The following KIF26A variants were observed in gnomAD, a reference collection of about 807,000 sequenced individuals.
KIF26A encodes the protein kinesin-like protein KIF26A.
A neutral mutation model predicts 126.0 loss-of-function variants in KIF26A; 74 were observed. The observed-to-expected ratio is 0.59, with a 90% CI of 0.49 to 0.71. The LOEUF (loss-of-function observed/expected upper bound fraction) is 0.71. Among genes scored for constraint, KIF26A ranks in the 30% least tolerant of loss-of-function variants. The pLI is 0.00. For synonymous variants in KIF26A, 1,445 were observed against 1,232.7 expected (o/e 1.17, Z -3.61); for missense variants, 2,984 against 2,763.3 (o/e 1.08, Z -1.79).
In KIF26A at chr14:104,173,699, G is replaced by T. The variant is rs1335375244; in HGVS notation, c.1868-7G>T. On this transcript the variant is annotated splice_polypyrimidine_tract_variant and splice_region_variant and intron_variant, in intron 9 of 14. Transcript: ENST00000423312. ...TACACCATCATTTGCTTGCCTTGTG[G>T]TTCCAGTGTCCGGAGGCCGCAGCCG... The T allele has an allele frequency of 6.2e-7, 1 of 1,610,472 alleles. No individual in the cohort carries two copies. Among genetic ancestry groups the T allele is most frequent in the Non-Finnish European group, 8.5e-7 (1 of 1,179,362 alleles).
At position 104,176,058 on chromosome 14, in the gene KIF26A, C is replaced by G; in HGVS notation, c.3270C>G (p.Ala1090=). 6.3e-7 allele frequency: 1 copy of G among 1,596,578 alleles called. No individual in the cohort carries two copies. The highest frequency in any genetic ancestry group is 8.5e-7 in the Non-Finnish European group (1 of 1,174,892). The change falls in exon 12 of 15, where the codon GCC becomes GCG. Residue 1090 remains alanine (A), a synonymous_variant. Coordinates refer to ENST00000423312, the MANE Select transcript of KIF26A (RefSeq NM_015656.2). ...NDEFDAYTSQ[A]PEGGPLEGAA... ...AGTTTGACGCCTACACCTCTCAGGC[C>G]CCTGAGGGGGGGCCCCTGGAGGGGG...
Position 104,179,221 on chromosome 14 carries a change from C to T in KIF26A, c.5317-15C>T, listed in dbSNP as rs530035844. The T allele has an allele frequency of 3.7e-5, 53 of 1,451,568 alleles. No individual in the cohort carries two copies. In the East Asian group the frequency reaches 6.0e-4, roughly 17 times the overall value. The allele number at this position is 1,451,568 out of a possible 1,614,324, so 89.9% of individuals were successfully genotyped here. ...AGGGTCCCATGCCTGAGCCCCCGCC[C>T]GCCCTGCCTCCCAGGGTCTGGCGTG... On this transcript the variant is annotated splice_polypyrimidine_tract_variant and intron_variant, in intron 13 of 14. Transcript: ENST00000423312.
intron 4 of KIF26A, among the ~76,000 whole-genome samples, chr14:104,162,977 G>A (rs1350861052): frequency 6.6e-6 from 1 of 152,254 alleles, no homozygotes; most frequent in Non-Finnish European, 1.5e-5. Flanking sequence ...CCAGGCAGCA[G>A]GGTGGGGTAG....
chr14:104,176,348 G>C lies in KIF26A; in HGVS notation c.3560G>C (p.Arg1187Pro). Residue 1187 changes from arginine to proline, a missense_variant, in exon 12 of 15, where the codon CGA (arginine) becomes CCA (proline). Transcript: ENST00000423312. Reference sequence around the variant, plus strand: ...GAAGTGGCTGCAGTGGCCCCATCCCGACCCGGCAGGGAGCCCCAGGCCGGG... The same window carrying C: ...GAAGTGGCTGCAGTGGCCCCATCCCCACCCGGCAGGGAGCCCCAGGCCGGG... ...PGEVAAVAPS[R>P]PGREPQAGPS... is the part of the protein sequence containing the mutation. 6.3e-7 allele frequency: 1 copy of C among 1,581,774 alleles called. No individual in the cohort carries two copies.
chr14:104,173,524 C>T lies in KIF26A; in HGVS notation c.1867+11C>T, dbSNP rs1382931672. 2 of 1,543,070 alleles carry T rather than the reference C, an allele frequency of 1.3e-6. No individual in the cohort carries two copies. The highest frequency in any genetic ancestry group is 8.8e-7 in the Non-Finnish European group (1 of 1,141,328). ...GCGGCCGGGGAGGAAGTAGGTGCCA[C>T]ACCCGCACTCCCGGGCCCCTGTGGG... On this transcript the variant is annotated intron_variant, in intron 9 of 14. Coordinates refer to ENST00000423312, the MANE Select transcript of KIF26A (RefSeq NM_015656.2).
In KIF26A at chr14:104,176,201, T is replaced by G. The variant is rs768012572; in HGVS notation, c.3413T>G (p.Leu1138Arg). Reference sequence around the variant, plus strand: ...CAGCCCCGCTTCAGCCCCGACTCGCTGGCAGGGCTTGACCCTGGGGGCCCC... The same window carrying G: ...CAGCCCCGCTTCAGCCCCGACTCGCGGGCAGGGCTTGACCCTGGGGGCCCC... ...TPQPRFSPDSLAGLDPGGPPA... is the reference protein window; with the variant it reads ...TPQPRFSPDSRAGLDPGGPPA... The change falls in exon 12 of 15, where the codon CTG becomes CGG. Residue 1138 changes from leucine to arginine, a missense_variant. Leu to Arg is a moderately radical substitution (Grantham distance 102). Transcript: ENST00000423312. The G allele has an allele frequency of 1.2e-6, 2 of 1,601,086 alleles. No homozygotes were observed. Among genetic ancestry groups the G allele is most frequent in the Admixed American group, 1.7e-5 (1 of 58,600 alleles).
At position 104,174,181 on chromosome 14, in the gene KIF26A, C is replaced by G. The variant is rs1049540942; in HGVS notation, c.2064C>G (p.Ser688=). 1 of 1,589,950 alleles carries G rather than the reference C, an allele frequency of 6.3e-7. No homozygotes were observed. Among genetic ancestry groups the G allele is most frequent in the Admixed American group, 1.7e-5 (1 of 57,646 alleles). ...GGCTCACCATGCTGCTGCGTGAATC[C>G]CTGGCCACCGCTGGCTGCCGCACCA... ...DHRLTMLLRE[S]LATAGCRTTM... is the part of the protein sequence containing the mutation. The change falls in exon 11 of 15, where the codon TCC becomes TCG. Residue 688 remains serine (S), a synonymous_variant. Transcript: ENST00000423312.
intron 2 of KIF26A, among the ~76,000 whole-genome samples, chr14:104,147,289 G>A (rs956007381): frequency 6.6e-6 from 1 of 152,242 alleles, no homozygotes; most frequent in Non-Finnish European, 1.5e-5. Context: ...CCATTGAGGG[G>A]ATGAGGGTCT....
rs759188299 is a variant in KIF26A, at chr14:104,152,379, C to T, written c.653C>T (p.Thr218Met). The change falls in exon 3 of 15, where the codon ACG becomes ATG. Residue 218 changes from threonine to methionine, a missense_variant. Physicochemically the swap from Thr to Met is moderately conservative, Grantham distance 81 (BLOSUM62 -1). Coordinates refer to ENST00000423312, the MANE Select transcript of KIF26A (RefSeq NM_015656.2). The surrounding 1 kb of genome is among the most constrained non-coding windows in gnomAD (Gnocchi z 5.9). ...GCGGGTCTTGGAGGGGCGCTGAGCACGGTCACCATCCAGGCCCAGCAGTGC... is the reference window on the plus strand; with the variant it reads ...GCGGGTCTTGGAGGGGCGCTGAGCATGGTCACCATCCAGGCCCAGCAGTGC... ...APAGLGGALS[T>M]VTIQAQQCLE... 48 of 1,595,198 alleles carry T rather than the reference C, an allele frequency of 3.0e-5. No individual in the cohort carries two copies. The highest frequency in any genetic ancestry group is 6.7e-5 in the African/African-American group (5 of 74,470).
rs768834746 is a variant in KIF26A, at chr14:104,175,249, C to G, written c.2461C>G (p.Leu821Val). ...PPDFVPIIPALSRHRPSKGPR... is the reference protein window; with the variant it reads ...PPDFVPIIPAVSRHRPSKGPR... ...TGACTTCGTGCCCATCATCCCTGCC[C>G]TGAGCCGCCACCGGCCCTCCAAGGG... The change falls in exon 12 of 15, where the codon CTG becomes GTG. Residue 821 changes from leucine (L) to valine (V), a missense_variant. Transcript: ENST00000423312. 6.2e-7 allele frequency: 1 copy of G among 1,608,100 alleles called. No individual in the cohort carries two copies. Among genetic ancestry groups the G allele is most frequent in the Non-Finnish European group, 8.5e-7 (1 of 1,179,608 alleles).
intron 5 of KIF26A, among the ~76,000 whole-genome samples, chr14:104,170,711 C>T (rs960133592): frequency 4.6e-5 from 7 of 152,230 alleles, no homozygotes; most frequent in Non-Finnish European, 1.0e-4. Context: ...TCAGAGCCGC[C>T]GCCTCCTGGC....
chr14:104,139,413 A>C (rs752906704), intron 2 of KIF26A, 125 bp downstream of exon 2: 1 of 1,200,518 alleles, frequency 8.3e-7, no homozygotes, highest in Non-Finnish European at 1.1e-6. Context: ...AAGAGTTATC[A>C]GCCAGGACTT....
chr14:104,166,355 C>A (rs2037902263), intron 4 of KIF26A, among the ~76,000 whole-genome samples: 1 of 152,066 alleles, frequency 6.6e-6, no homozygotes, highest in South Asian at 2.1e-4. Context: ...GTGTGTCAGT[C>A]CATTAGGGCC....
intron 2 of KIF26A, among the ~76,000 whole-genome samples, chr14:104,149,008 C>T (rs1468364092): frequency 6.6e-6 from 1 of 152,216 alleles, no homozygotes; most frequent in African/African-American, 2.4e-5. Context: ...CCCCGGCAAG[C>T]AGCCCTGTGG....
rs2141118810 is a variant in KIF26A at position 104,176,165 on chromosome 14, A to G, written c.3377A>G (p.Asp1126Gly). 6.3e-7 allele frequency: 1 copy of G among 1,589,456 alleles called. No homozygotes were observed. The change falls in exon 12 of 15, where the codon GAC (aspartate) becomes GGC (glycine). Residue 1126 changes from aspartate to glycine, a missense_variant. Transcript: ENST00000423312. ...AGCGTCTGCACTGCCGACAGCCGTG[A>G]CCCCACGCCGCAGCCCCGCTTCAGC... ...EVSVCTADSRDPTPQPRFSPD... is the reference protein window; with the variant it reads ...EVSVCTADSRGPTPQPRFSPD...
intron 14 of KIF26A, 61 bp downstream of exon 14, chr14:104,179,447 C>A (rs940517426): frequency 2.1e-6 from 3 of 1,446,936 alleles, no homozygotes; most frequent in Non-Finnish European, 2.7e-6. Flanking sequence ...AGCTGCCCTC[C>A]CCTCCCAGAG....
chr14:104,166,183 G>GGA (rs2037898927), intron 4 of KIF26A, among the ~76,000 whole-genome samples: 1 of 145,982 alleles, frequency 6.9e-6, no homozygotes, highest in African/African-American at 2.5e-5. Flanking sequence ...GGGTGGCAGG[G>GGA]GCCCAGGAGC....
chr14:104,140,788 G>A (rs1446988317), intron 2 of KIF26A, among the ~76,000 whole-genome samples: 1 of 152,178 alleles, frequency 6.6e-6, no homozygotes, highest in Non-Finnish European at 1.5e-5. Context: ...TTTGACACTG[G>A]AAACTCCTCT....
At position 104,177,656 on chromosome 14, in the gene KIF26A, A is replaced by G. The variant is rs2038049018; in HGVS notation, c.4868A>G (p.Gln1623Arg). Residue 1623 changes from glutamine to arginine, a missense_variant, in exon 12 of 15, where the codon CAG becomes CGG. Physicochemically the swap from Gln to Arg is conservative, Grantham distance 43 (BLOSUM62 1). Transcript: ENST00000423312. ...YSKVTAPRRPQRYSSGHGSDN... is the reference protein window; with the variant it reads ...YSKVTAPRRPRRYSSGHGSDN... ...AAGGTGACCGCCCCACGGCGGCCCCAGCGCTACAGCAGCGGCCATGGCAGC... is the reference window on the plus strand; with the variant it reads ...AAGGTGACCGCCCCACGGCGGCCCCGGCGCTACAGCAGCGGCCATGGCAGC... The G allele has an allele frequency of 4.6e-6, 7 of 1,526,952 alleles. No individual in the cohort carries two copies. The highest frequency in any genetic ancestry group is 2.0e-5 in the Admixed American group (1 of 50,198). The allele number at this position is 1,526,952 out of a possible 1,614,324, so 94.6% of individuals were successfully genotyped here. A position where few individuals can be genotyped will look rare whatever the true frequency, so the allele number is the denominator to read the frequency against.
Sources: gnomAD v4.1 joint callset for allele counts (sites outside exome capture counted in the v4.1 genomes callset) on GRCh38, gnomAD v4.1.1 for gene constraint, Gnocchi (gnomAD v3.1) non-coding constraint, MANE v1.5 for transcripts, NCBI Gene and HGNC (gene_info 2026-07-23, HGNC 2026-07-21) for gene names.